Variants in CMKLR2 observed in about 807,000 individuals in gnomAD.
CMKLR2 encodes chemerin chemokine-like receptor 2.
A neutral mutation model predicts 23.0 loss-of-function variants in CMKLR2; 18 were observed. The ratio of observed to expected loss-of-function variants is 0.78; its 90% CI spans 0.54 to 1.16. The LOEUF is 1.16. Ranked by LOEUF, CMKLR2 falls within the 50% of genes most tolerant of loss-of-function variation. CMKLR2 has a pLI of 0.00. For missense variants in CMKLR2, 401 were observed against 412.7 expected (o/e 0.97, Z 0.25); for synonymous variants, 158 against 158.9 (o/e 0.99, Z 0.05).
At chr2:206,185,132 G>A (rs1453543552) in intron 1 of CMKLR2, among the ~76,000 whole-genome samples, 7 of 152,076 alleles carry the variant, frequency 4.6e-5, no homozygotes, top group East Asian at 3.9e-4. Flanking sequence ...GATTACAGGC[G>A]TGAGCCACCA....
chr2:206,196,729 A>G (rs1029539515), intron 1 of CMKLR2, among the ~76,000 whole-genome samples: 1 of 152,142 alleles, frequency 6.6e-6, no homozygotes, highest in African/African-American at 2.4e-5. Context: ...ACTACGTCAG[A>G]AGTCCACATT....
In CMKLR2 at chr2:206,176,288, A is replaced by G; in HGVS notation, c.960T>C (p.Ala320=). Residue 320 remains alanine, a synonymous_variant, in exon 2 of 2, where the codon GCT becomes GCC. Transcript: ENST00000621141. ...CCCACAGTGTGTACTTGAGTATCTC[A>G]GCAACTGAGGACCGGAAGCGAGCTT... ...KFQARFRSSV[A]EILKYTLWEV... 1 of 1,614,148 alleles carries G rather than the reference A, an allele frequency of 6.2e-7. No individual in the cohort carries two copies.
At chr2:206,196,616 C>A (rs1688931221) in intron 1 of CMKLR2, among the ~76,000 whole-genome samples, 1 of 152,168 alleles carries the variant, frequency 6.6e-6, no homozygotes, top group Non-Finnish European at 1.5e-5. Context: ...CAGACTCTTC[C>A]TCACCACTCC....
At chr2:206,184,458 G>A (rs1377865889) in intron 1 of CMKLR2, among the ~76,000 whole-genome samples, 5 of 151,876 alleles carry the variant, frequency 3.3e-5, no homozygotes, top group East Asian at 1.9e-4. Flanking sequence ...CACCACATAC[G>A]GCTAATTTTT....
At chr2:206,192,326 TTTA>T (rs1162248415) in intron 1 of CMKLR2, among the ~76,000 whole-genome samples, 2 of 149,706 alleles carry the variant, frequency 1.3e-5, no homozygotes, top group Admixed American at 6.6e-5. Flanking sequence ...TATTTTTTAT[TTTA>T]TTATTTTATT....
chr2:206,197,244 G>A (rs186903737), intron 1 of CMKLR2, among the ~76,000 whole-genome samples: 1 of 152,176 alleles, frequency 6.6e-6, no homozygotes, highest in Admixed American at 6.5e-5. Flanking sequence ...AGCTGGTTAA[G>A]TCCCACATGC....
At chr2:206,205,777 G>C (rs1261403088) in intron 1 of CMKLR2, among the ~76,000 whole-genome samples, 1 of 151,834 alleles carries the variant, frequency 6.6e-6, no homozygotes, top group Non-Finnish European at 1.5e-5. Flanking sequence ...TCGGCTCCCC[G>C]CAACCTCCAC....
Position 206,207,728 on chromosome 2 carries a change from C to CTTTTTTTTTTTTTTTTTTTTTTTTT in CMKLR2, c.-29+5554_-29+5578dup, listed in dbSNP as rs71034423. ...ATCTGGGTCTGTCTGACCTCAGGGC[C>CTTTTTTTTTTTTTTTTTTTTTTTTT]TTTTTTTTTTTTTTTTTTTTTTTTT... On this transcript the variant is annotated intron_variant, in intron 1 of 1. Transcript: ENST00000621141. Among the ~76,000 whole-genome samples, 21 of 43,570 alleles carry CTTTTTTTTTTTTTTTTTTTTTTTTT rather than the reference C, an allele frequency of 4.8e-4. 4 individuals are homozygous for CTTTTTTTTTTTTTTTTTTTTTTTTT. The highest frequency in any genetic ancestry group is 1.5e-3 in the South Asian group (1 of 666). The allele number at this position is 43,570 out of a possible 152,430, so 28.6% of individuals were successfully genotyped here. A position where few individuals can be genotyped will look rare whatever the true frequency, so the allele number is the denominator to read the frequency against.
At chr2:206,195,266 A>T (rs1184166486) in intron 1 of CMKLR2, among the ~76,000 whole-genome samples, 1 of 152,202 alleles carries the variant, frequency 6.6e-6, no homozygotes, top group Non-Finnish European at 1.5e-5. Flanking sequence ...TGGAATGCTT[A>T]AGGAACCAGT....
chr2:206,185,361 G>A lies in CMKLR2; in HGVS notation c.-28-8086C>T, dbSNP rs1268501662. Among the ~76,000 whole-genome samples the A allele has an allele frequency of 2.0e-5, 3 of 152,178 alleles. No individual in the cohort carries two copies. The East Asian group carries it at 5.8e-4, about 29-fold the overall frequency. ...ACTGCAAAGGCTTGACAGAGGTGAG[G>A]GAATTAGTCGTGGATATTTCCAGCA... On this transcript the variant is annotated intron_variant, in intron 1 of 1. Coordinates refer to ENST00000621141, the MANE Select transcript of CMKLR2 (RefSeq NM_001389445.1).
At chr2:206,200,089 G>C (rs915712017) in intron 1 of CMKLR2, among the ~76,000 whole-genome samples, 6 of 152,166 alleles carry the variant, frequency 3.9e-5, no homozygotes, top group African/African-American at 1.4e-4. Flanking sequence ...CAAAGGTCTT[G>C]TACTTGAGGG....
At chr2:206,179,287 G>A (rs1688332345) in intron 1 of CMKLR2, among the ~76,000 whole-genome samples, 1 of 148,982 alleles carries the variant, frequency 6.7e-6, no homozygotes, top group Non-Finnish European at 1.5e-5. Flanking sequence ...GTTGGTCAGG[G>A]TGGTCTCGAA....
At chr2:206,194,857 C>T (rs923690226) in intron 1 of CMKLR2, among the ~76,000 whole-genome samples, 41 of 150,798 alleles carry the variant, frequency 2.7e-4, no homozygotes, top group African/African-American at 9.5e-4. Flanking sequence ...AGGTTCACGC[C>T]GTTCTCCTGC....
At chr2:206,198,079 G>A (rs1372200343) in intron 1 of CMKLR2, among the ~76,000 whole-genome samples, 1 of 152,160 alleles carries the variant, frequency 6.6e-6, no homozygotes, top group Non-Finnish European at 1.5e-5. Flanking sequence ...GGTGAGACAG[G>A]CGAAGCTGGG....
At chr2:206,214,957 C>A (rs898401481), upstream of CMKLR2, among the ~76,000 whole-genome samples, 2 of 152,072 alleles carry the variant, frequency 1.3e-5, no homozygotes, top group African/African-American at 4.8e-5. Context: ...CTAACTTCAG[C>A]TCAACCATGT....
At chr2:206,204,550 TTTTTTG>T (rs1263080835) in intron 1 of CMKLR2, among the ~76,000 whole-genome samples, 3 of 151,822 alleles carry the variant, frequency 2.0e-5, no homozygotes, top group Admixed American at 6.6e-5. Flanking sequence ...TCCGTTTTTG[TTTTTTG>T]TTTTTGTTTT....
chr2:206,193,751 A>AGACTTT (rs1198914165), intron 1 of CMKLR2, among the ~76,000 whole-genome samples: 2 of 152,230 alleles, frequency 1.3e-5, no homozygotes, highest in Non-Finnish European at 2.9e-5. Flanking sequence ...TTAAAGGCTA[A>AGACTTT]AAATGACTAT....
At chr2:206,212,445 T>G (rs1210702182) in intron 1 of CMKLR2, among the ~76,000 whole-genome samples, 2 of 152,012 alleles carry the variant, frequency 1.3e-5, no homozygotes, top group African/African-American at 4.8e-5. Context: ...AACAGGTTTG[T>G]GGATTCTTGG....
At chr2:206,193,547 T>C (rs1688821286) in intron 1 of CMKLR2, among the ~76,000 whole-genome samples, 1 of 152,224 alleles carries the variant, frequency 6.6e-6, no homozygotes, top group Non-Finnish European at 1.5e-5. Context: ...CTGAAATGTT[T>C]AGTTTATGTT....
Sources: allele counts gnomAD v4.1 joint callset (sites outside exome capture counted in the v4.1 genomes callset), GRCh38; gene constraint gnomAD v4.1.1; transcripts MANE v1.5; gene names NCBI Gene and HGNC (gene_info 2026-07-23, HGNC 2026-07-21).